The following CD40 variants were observed in gnomAD, a reference collection of about 807,000 sequenced individuals.
CD40 encodes CD40 molecule, also known as tumor necrosis factor receptor superfamily member 5.
In CD40, 19 loss-of-function variants were observed where a neutral mutation model predicts 38.5. The ratio of observed to expected loss-of-function variants is 0.49; its 90% CI spans 0.34 to 0.72. The LOEUF is 0.72. CD40 is among the 30% of genes least tolerant of loss of function. CD40 has a pLI of 0.01. For missense variants in CD40, 256 were observed against 344.1 expected (o/e 0.74, Z 2.03); for synonymous variants, 130 against 128.7 (o/e 1.01, Z -0.07).
intron 6 of CD40, chr20:46,127,893 G>A: frequency 1.5e-6 from 1 of 660,474 alleles, no homozygotes; most frequent in South Asian, 1.9e-5. Context: ...GAAATCAGAT[G>A]TCTAGGTTTG....
intron 1 of CD40, among the ~76,000 whole-genome samples, chr20:46,121,162 T>C: frequency 6.6e-6 from 1 of 152,250 alleles, no homozygotes; most frequent in East Asian, 1.9e-4. Flanking sequence ...CACAAGTTGA[T>C]GGAGAGAGGA....
chr20:46,128,929 T>C lies in CD40; in HGVS notation c.723T>C (p.Asp241=). 6.2e-7 allele frequency: 1 copy of C among 1,614,170 alleles called. No homozygotes were observed. The highest frequency in any genetic ancestry group is 8.5e-7 in the Non-Finnish European group (1 of 1,180,020). The change falls in exon 9 of 9, where the codon GAT becomes GAC. Residue 241 remains aspartate (D), a synonymous_variant. Transcript: ENST00000372285. ...QEPQEINFPD[D]LPGSNTAAPV... ...CCCAGGAGATCAATTTTCCCGACGA[T>C]CTTCCTGGCTCCAACACTGCTGCTC...
At chr20:46,126,609 T>C (rs1324346199) in intron 5 of CD40, 31 bp from the exon 6 acceptor site, 4 of 1,613,876 alleles carry the variant, frequency 2.5e-6, no homozygotes, top group Non-Finnish European at 3.4e-6. Flanking sequence ...TTTCTCTGTG[T>C]GTGTGCATTT....
chr20:46,128,471 G>A (rs1194883455), intron 8 of CD40, 113 bp downstream of exon 8: 2 of 1,200,006 alleles, frequency 1.7e-6, no homozygotes, highest in Admixed American at 1.8e-5. Flanking sequence ...AGCCAGTGGG[G>A]TGGCAGCAGA....
At position 46,121,917 on chromosome 20, in the gene CD40, A is replaced by G. The variant is rs780735906; in HGVS notation, c.130+19A>G. 1.2e-6 allele frequency: 2 copies of G among 1,601,170 alleles called. No homozygotes were observed. Among genetic ancestry groups the G allele is most frequent in the East Asian group, 2.2e-5 (1 of 44,796 alleles). ...CAGCCAGGTGAGATGCCAACCCTCT[A>G]GCCCCATCATGGAGTCCCCCTTTGC... On this transcript the variant is annotated intron_variant, in intron 2 of 8. Transcript: ENST00000372285.
In CD40 at chr20:46,128,657, GAGCAAATGTGGC is replaced by G. The variant is rs1437801132; in HGVS notation, c.676-221_676-210del. Reference sequence around the variant, plus strand: ...CCTTGGGGCTGGGTCAAATGGGTGGGAGCAAATGTGGCAGCCCCTTAAGCCCACTGGCTCCCA... The same window carrying G: ...CCTTGGGGCTGGGTCAAATGGGTGGGAGCCCCTTAAGCCCACTGGCTCCCA... On this transcript the variant is annotated intron_variant, in intron 8 of 8. Coordinates refer to ENST00000372285, the MANE Select transcript of CD40 (RefSeq NM_001250.6). 3.2e-5 allele frequency: 21 copies of G among 663,200 alleles called. No homozygotes were observed. The Middle Eastern group carries it at 2.9e-3, about 93-fold the overall frequency. 41.1% of individuals were successfully genotyped at this position (663,200 alleles called of 1,614,324 possible).
At chr20:46,126,592 C>G in intron 5 of CD40, 48 bp from the exon 6 acceptor site, 1 of 1,612,388 alleles carries the variant, frequency 6.2e-7, no homozygotes, top group Non-Finnish European at 8.5e-7. Context: ...AACTTAATAT[C>G]TCTTTCTTTC....
Position 46,129,156 on chromosome 20 carries a change from C to G in CD40, c.*116C>G. 3 of 1,165,550 alleles carry G rather than the reference C, an allele frequency of 2.6e-6. No individual in the cohort carries two copies. The highest frequency in any genetic ancestry group is 3.8e-6 in the Non-Finnish European group (3 of 790,298). The allele number at this position is 1,165,550 out of a possible 1,614,324, so 72.2% of individuals were successfully genotyped here. On this transcript the variant is annotated 3_prime_UTR_variant, in exon 9 of 9. Coordinates refer to ENST00000372285, the MANE Select transcript of CD40 (RefSeq NM_001250.6). ...GGGCTGGCACTGACTGGGCATAGCT[C>G]CCCGCTTCTGCCTGCACCCCTGCAG...
At chr20:46,125,432 T>A (rs11569326) in intron 5 of CD40, among the ~76,000 whole-genome samples, 1,749 of 150,736 alleles carry the variant, frequency 0.012, 34 homozygotes, top group African/African-American at 0.041. Context: ...TAGTCCCAGC[T>A]ACTCAGGAGG....
chr20:46,121,037 C>G (rs1348725757), intron 1 of CD40, among the ~76,000 whole-genome samples: 1 of 152,152 alleles, frequency 6.6e-6, no homozygotes, highest in Non-Finnish European at 1.5e-5. Context: ...TGCACTCCAG[C>G]CTGGGCGATG....
rs1023117469 is a variant in CD40 at position 46,127,030 on chromosome 20, C to T, written c.559+329C>T. 9.9e-6 allele frequency: 4 copies of T among 402,894 alleles called. No individual in the cohort carries two copies. The East Asian group carries it at 1.7e-4, about 17-fold the overall frequency. The allele number at this position is 402,894 out of a possible 1,614,324, so 25.0% of individuals were successfully genotyped here. On this transcript the variant is annotated intron_variant, in intron 6 of 8. Transcript: ENST00000372285. The stretch of plus-strand genomic sequence containing the variant: ...AGAAAATTACATTCTCTTTACCTAA[C>T]GCTAAATGACCAGTTAATGGGTGCA...
intron 1 of CD40, 101 bp downstream of exon 1, chr20:46,118,495 TG>T (rs1273723001): frequency 2.1e-6 from 1 of 471,990 alleles, no homozygotes. Flanking sequence ...CTGATTTTTG[TG>T]GGGGCAGGAG....
chr20:46,122,626 C>T lies in CD40; in HGVS notation c.273C>T (p.Val91=). Residue 91 remains valine, a synonymous_variant, in exon 4 of 9, where the codon GTC becomes GTT. Coordinates refer to ENST00000372285, the MANE Select transcript of CD40 (RefSeq NM_001250.6). This position sits in a 1 kb window ranked among gnomAD's most constrained non-coding sequence, Gnocchi z 5.0. ...KYCDPNLGLR[V]QQKGTSETDT... ...TCTTCTCAGACCTAGGGCTTCGGGT[C>T]CAGCAGAAGGGCACCTCAGAAACAG... is the stretch of plus-strand genomic sequence containing the variant. 6.2e-7 allele frequency: 1 copy of T among 1,614,082 alleles called. No homozygotes were observed. Among genetic ancestry groups the T allele is most frequent in the Non-Finnish European group, 8.5e-7 (1 of 1,180,012 alleles).
chr20:46,123,234 C>A lies in CD40; in HGVS notation c.497+15C>A, dbSNP rs1334108121. On this transcript the variant is annotated intron_variant, in intron 5 of 8. Coordinates refer to ENST00000372285, the MANE Select transcript of CD40 (RefSeq NM_001250.6). The stretch of plus-strand genomic sequence containing the variant: ...CCTTGGACAAGGTATAAGCACTCAT[C>A]CCTTGTGTTTCCTGCTCTAAGAGTG... 6.3e-7 allele frequency: 1 copy of A among 1,585,998 alleles called. No homozygotes were observed. The highest frequency in any genetic ancestry group is 1.1e-5 in the South Asian group (1 of 90,554).
At chr20:46,126,081 T>G (rs1303169469) in intron 5 of CD40, among the ~76,000 whole-genome samples, 1 of 152,208 alleles carries the variant, frequency 6.6e-6, no homozygotes, top group Non-Finnish European at 1.5e-5. Context: ...TTTTGCTCCC[T>G]GTGGAACGTT....
intron 2 of CD40, 63 bp downstream of exon 2, chr20:46,121,961 C>A: frequency 7.5e-7 from 1 of 1,337,104 alleles, no homozygotes; most frequent in Non-Finnish European, 1.1e-6. Context: ...CAGACGCAGA[C>A]CCCATATGTT....
chr20:46,128,929 T>G lies in CD40; in HGVS notation c.723T>G (p.Asp241Glu), dbSNP rs754026379. The change falls in exon 9 of 9, where the codon GAT becomes GAG. Residue 241 changes from aspartate (D) to glutamate (E), a missense_variant. Transcript: ENST00000372285. ...CCCAGGAGATCAATTTTCCCGACGA[T>G]CTTCCTGGCTCCAACACTGCTGCTC... ...QEPQEINFPDDLPGSNTAAPV... is the reference protein window; with the variant it reads ...QEPQEINFPDELPGSNTAAPV... 20 of 1,614,052 alleles carry G rather than the reference T, an allele frequency of 1.2e-5. No homozygotes were observed. Among genetic ancestry groups the G allele is most frequent in the Middle Eastern group, 1.6e-4 (1 of 6,084 alleles).
chr20:46,129,192 G>A lies in CD40; in HGVS notation c.*152G>A, dbSNP rs940067560. 1.0e-5 allele frequency: 8 copies of A among 802,740 alleles called. No individual in the cohort carries two copies. The African/African-American group carries it at 1.0e-4, about 10-fold the overall frequency. The allele number at this position is 802,740 out of a possible 1,614,324, so 49.7% of individuals were successfully genotyped here. A position where few individuals can be genotyped will look rare whatever the true frequency, so the allele number is the denominator to read the frequency against. ...CCTGCACCCCTGCAGTTTGAGACAGGAGACCTGGCACTGGATGCAGAAACA... is the reference window on the plus strand; with the variant it reads ...CCTGCACCCCTGCAGTTTGAGACAGAAGACCTGGCACTGGATGCAGAAACA... On this transcript the variant is annotated 3_prime_UTR_variant, in exon 9 of 9. Transcript: ENST00000372285.
intron 8 of CD40, 142 bp downstream of exon 8, chr20:46,128,500 C>A (rs549558844): frequency 3.4e-6 from 3 of 893,122 alleles, no homozygotes; most frequent in Non-Finnish European, 5.5e-6. Context: ...CTGTCATCCC[C>A]ACCCACCATG....
Sources: gnomAD v4.1 joint callset for allele counts (sites outside exome capture counted in the v4.1 genomes callset) on GRCh38, gnomAD v4.1.1 for gene constraint, Gnocchi (gnomAD v3.1) non-coding constraint, MANE v1.5 for transcripts, NCBI Gene and HGNC (gene_info 2026-07-23, HGNC 2026-07-21) for gene names.